Variants in CTBP2 observed in about 807,000 individuals in gnomAD.
CTBP2 encodes the protein C-terminal-binding protein 2.
Under a neutral mutation model 80.3 loss-of-function variants are expected in CTBP2, and 30 were observed. That is an observed-to-expected ratio of 0.37 (90% CI 0.28 to 0.51). The LOEUF (loss-of-function observed/expected upper bound fraction) is 0.51. Ranked by LOEUF, CTBP2 falls within the 20% of genes least tolerant of loss-of-function variation. The pLI, the probability that CTBP2 is intolerant of heterozygous loss-of-function variation, is 0.93. For synonymous variants in CTBP2, 594 were observed against 587.4 expected (o/e 1.01, Z -0.16); for missense variants, 1,212 against 1,375.3 (o/e 0.88, Z 1.88).
chr10:125,054,007 C>A (rs1012492745), intron 2 of CTBP2, among the ~76,000 whole-genome samples: 113 of 152,256 alleles, frequency 7.4e-4, no homozygotes, highest in Non-Finnish European at 3.2e-4. Context: ...CAGCCACCCA[C>A]CGGTGACACA....
At chr10:125,096,478 AACATCGCTACTC>A (rs1849561690) in intron 2 of CTBP2, among the ~76,000 whole-genome samples, 1 of 152,238 alleles carries the variant, frequency 6.6e-6, no homozygotes, top group Non-Finnish European at 1.5e-5. Context: ...GAAGTGGGAC[AACATCGCTACTC>A]GACTAAACAG....
At chr10:125,095,990 G>A (rs1201579646) in intron 2 of CTBP2, among the ~76,000 whole-genome samples, 1 of 152,176 alleles carries the variant, frequency 6.6e-6, no homozygotes, top group Non-Finnish European at 1.5e-5. Context: ...TTTCTAGGAA[G>A]CCCTATGAAC....
At chr10:125,122,365 T>A (rs1854478932) in intron 1 of CTBP2, among the ~76,000 whole-genome samples, 1 of 152,252 alleles carries the variant, frequency 6.6e-6, no homozygotes, top group Non-Finnish European at 1.5e-5. Context: ...GCTTTCTGAA[T>A]GAACAACTCA....
Position 125,112,968 on chromosome 10 carries a change from C to T in CTBP2, c.-205-1875G>A, listed in dbSNP as rs997637232. Among the ~76,000 whole-genome samples, 6 of 152,318 alleles carry T rather than the reference C, an allele frequency of 3.9e-5. No homozygotes were observed. In the East Asian group the frequency reaches 1.2e-3, roughly 29 times the overall value. ...CCACTGAATTCAATGAGTCCTCCGA[C>T]AGCCAGCTCCTGCTCCACACCTAGA... On this transcript the variant is annotated intron_variant, in intron 1 of 10. Transcript: ENST00000337195.
At chr10:125,081,848 G>C (rs1171286328) in intron 2 of CTBP2, among the ~76,000 whole-genome samples, 2 of 152,102 alleles carry the variant, frequency 1.3e-5, no homozygotes, top group East Asian at 1.9e-4. Context: ...CAGATGGAAA[G>C]ACAGGCGGGT....
chr10:125,076,094 ACTCC>A (rs1366196285), intron 2 of CTBP2, among the ~76,000 whole-genome samples: 2 of 150,934 alleles, frequency 1.3e-5, no homozygotes, highest in Non-Finnish European at 3.0e-5. Context: ...GAAATGAACT[ACTCC>A]CTCCCTCCCT....
At chr10:125,006,087 C>T (rs1013651972) in intron 1 of CTBP2, 32 of 1,119,372 alleles carry the variant, frequency 2.9e-5, no homozygotes, top group East Asian at 1.2e-4. Flanking sequence ...GCCTAGCGAT[C>T]GGCTCCCTCC....
At chr10:125,004,296 C>T (rs1954941619) in intron 1 of CTBP2, among the ~76,000 whole-genome samples, 2 of 152,202 alleles carry the variant, frequency 1.3e-5, no homozygotes, top group South Asian at 4.1e-4. Context: ...ACTACAGACG[C>T]GCATGCTTGC....
Position 125,024,359 on chromosome 10 carries a change from C to T in CTBP2, c.1678+1723G>A, listed in dbSNP as rs115827849. Among the ~76,000 whole-genome samples, 954 of 152,310 alleles carry T rather than the reference C, an allele frequency of 6.3e-3. 11 individuals are homozygous for T. Among genetic ancestry groups the T allele is most frequent in the African/African-American group, 0.021 (890 of 41,576 alleles). ...TGGCTGGCTTCTGCCTGCAGACTTC[C>T]CTGGCACTGGCTCGCTGCCACGCAA... On this transcript the variant is annotated intron_variant, in intron 1 of 8. Coordinates refer to ENST00000309035, the MANE Select transcript of CTBP2 (RefSeq NM_022802.3).
chr10:125,091,946 T>C (rs1450237769), intron 2 of CTBP2, among the ~76,000 whole-genome samples: 1 of 152,176 alleles, frequency 6.6e-6, no homozygotes, highest in Non-Finnish European at 1.5e-5. Context: ...TGTTCAACAT[T>C]TGATATTGAA....
In CTBP2 at chr10:125,036,667, G is replaced by GT. The variant is rs1491011340; in HGVS notation, c.58+2329_58+2330insA. 1.9e-3 allele frequency among the ~76,000 whole-genome samples: 111 copies of GT among 58,044 alleles called. 1 individual carries two copies. Among genetic ancestry groups the GT allele is most frequent in the East Asian group, 7.3e-3 (26 of 3,552 alleles). 38.1% of individuals were successfully genotyped at this position (58,044 alleles called of 152,430 possible). A position where few individuals can be genotyped will look rare whatever the true frequency, so the allele number is the denominator to read the frequency against. On this transcript the variant is annotated intron_variant, in intron 3 of 10. Transcript: ENST00000337195. The stretch of plus-strand genomic sequence containing the variant: ...CATGGTGAGAATTCAAAGCTAGAGG[G>GT]GGTGTGTGTGTGTGTGTGTGTGTGT...
chr10:125,089,222 G>A (rs1303610773), intron 2 of CTBP2, among the ~76,000 whole-genome samples: 4 of 152,122 alleles, frequency 2.6e-5, no homozygotes, highest in Non-Finnish European at 5.9e-5. Context: ...GAGAATAAAA[G>A]TTGCTTTTTT....
At chr10:125,008,033 A>C (rs1222105223) in intron 1 of CTBP2, among the ~76,000 whole-genome samples, 2 of 151,016 alleles carry the variant, frequency 1.3e-5, no homozygotes, top group Non-Finnish European at 2.9e-5. Context: ...TGCAACCTCC[A>C]CCTCCCAGGT....
intron 1 of CTBP2, among the ~76,000 whole-genome samples, chr10:125,017,793 G>A (rs555819046): frequency 6.6e-6 from 1 of 152,338 alleles, no homozygotes; most frequent in African/African-American, 2.4e-5. Flanking sequence ...ACCAGCAGGT[G>A]CTCGTGGAGC....
intron 2 of CTBP2, among the ~76,000 whole-genome samples, chr10:125,098,915 C>A (rs73377285): frequency 2.4e-3 from 372 of 152,276 alleles, no homozygotes; most frequent in African/African-American, 8.6e-3. Flanking sequence ...CCCCCTCCAT[C>A]CCCACCACTG....
intron 1 of CTBP2, among the ~76,000 whole-genome samples, chr10:125,159,308 G>A (rs1217765437): frequency 6.7e-6 from 1 of 149,552 alleles, no homozygotes; most frequent in East Asian, 2.0e-4. Context: ...GCCCGGGCGG[G>A]GAAGGTGGGG....
chr10:125,015,971 C>T (rs374125301), intron 1 of CTBP2, among the ~76,000 whole-genome samples: 67 of 152,336 alleles, frequency 4.4e-4, no homozygotes, highest in African/African-American at 1.5e-3. Context: ...AGATGGATGG[C>T]TCAGTCTGAC....
rs1457957027 is a variant in CTBP2 at position 124,985,865 on chromosome 10, A to T, written c.*3653T>A. The stretch of plus-strand genomic sequence containing the variant: ...ACTCCATCAACAATGTGCTGCTCCC[A>T]GATTGCCATGCCAGAGGGTCTTCGG... On this transcript the variant is annotated 3_prime_UTR_variant, in exon 9 of 9. Coordinates refer to ENST00000309035, the MANE Select transcript of CTBP2 (RefSeq NM_022802.3). The T allele has an allele frequency of 6.6e-6, 1 of 151,964 alleles. No individual in the cohort carries two copies. Among genetic ancestry groups the T allele is most frequent in the Non-Finnish European group, 1.5e-5 (1 of 67,952 alleles). 9.4% of individuals were successfully genotyped at this position (151,964 alleles called of 1,614,324 possible).
chr10:125,086,487 C>T (rs564167731), intron 2 of CTBP2, among the ~76,000 whole-genome samples: 13 of 151,862 alleles, frequency 8.6e-5, no homozygotes, highest in Middle Eastern at 3.4e-3. Flanking sequence ...TGCTGGTAAT[C>T]GGCTGTAATC....
Sources: gnomAD v4.1 joint callset for allele counts (sites outside exome capture counted in the v4.1 genomes callset) on GRCh38, gnomAD v4.1.1 for gene constraint, MANE v1.5 for transcripts, NCBI Gene and HGNC (gene_info 2026-07-23, HGNC 2026-07-21) for gene names.